KLRG1: variants seen among roughly 807,000 people sequenced by gnomAD.
KLRG1 encodes the protein killer cell lectin-like receptor subfamily G member 1.
KLRG1 carries 16 observed loss-of-function variants against 21.8 expected under a neutral mutation model. That is an observed-to-expected ratio of 0.73 (90% CI 0.50 to 1.11). The LOEUF (loss-of-function observed/expected upper bound fraction) is 1.11. Among genes scored for constraint, KLRG1 ranks in the 50% most tolerant of loss-of-function variants. KLRG1 has a pLI of 0.00. For missense variants in KLRG1, 173 were observed against 218.3 expected (o/e 0.79, Z 1.31); for synonymous variants, 69 against 75.9 (o/e 0.91, Z 0.47).
At chr12:9,072,438 C>A in the KLRG1 span, 8 of 1,613,334 alleles carry the variant, frequency 5.0e-6, no homozygotes, top group African/African-American at 1.1e-4. Flanking sequence ...ACTCCTAAAG[C>A]AAAGGGGAAC....
chr12:8,959,451 C>T (rs1417785946), intron 1 of KLRG1, among the ~76,000 whole-genome samples: 1 of 152,188 alleles, frequency 6.6e-6, no homozygotes, highest in African/African-American at 2.4e-5. Flanking sequence ...GCAATTTCAT[C>T]CCCAGCCAAT....
chr12:9,137,867 G>T, the KLRG1 span, among the ~76,000 whole-genome samples: 2 of 151,966 alleles, frequency 1.3e-5, no homozygotes, highest in African/African-American at 4.8e-5. Context: ...AGTTGATTTT[G>T]TAGCTTGCAA....
At chr12:9,132,917 G>A in the KLRG1 span, among the ~76,000 whole-genome samples, 1 of 152,194 alleles carries the variant, frequency 6.6e-6, no homozygotes, top group Non-Finnish European at 1.5e-5. Context: ...TTTCAGAGAT[G>A]TGAAAAGATG....
the KLRG1 span, among the ~76,000 whole-genome samples, chr12:9,215,034 C>G: frequency 6.6e-6 from 1 of 151,896 alleles, no homozygotes; most frequent in African/African-American, 2.4e-5. Flanking sequence ...ATTTTTTTCC[C>G]TCTCATTCCA....
chr12:9,041,107 G>A, the KLRG1 span, among the ~76,000 whole-genome samples: 5 of 152,190 alleles, frequency 3.3e-5, no homozygotes, highest in Admixed American at 1.3e-4. Context: ...AGGCTGAGGC[G>A]GGTGGATCAC....
chr12:8,957,366 C>G (rs983314154), intron 1 of KLRG1, among the ~76,000 whole-genome samples: 1 of 152,202 alleles, frequency 6.6e-6, no homozygotes, highest in Non-Finnish European at 1.5e-5. Flanking sequence ...GAAGCACTTA[C>G]CGTGGCCCAT....
the KLRG1 span, among the ~76,000 whole-genome samples, chr12:9,174,879 A>G: frequency 1.2e-4 from 19 of 152,356 alleles, no homozygotes; most frequent in Admixed American, 2.6e-4. Flanking sequence ...GACAATGGCC[A>G]TACTGCCCAA....
chr12:9,093,377 A>G, the KLRG1 span: 1 of 849,956 alleles, frequency 1.2e-6, no homozygotes, highest in Non-Finnish European at 2.0e-6. Flanking sequence ...TAAACATATA[A>G]AACAATAAAA....
chr12:8,950,620 C>T (rs1213066215), intron 1 of KLRG1, among the ~76,000 whole-genome samples: 2 of 152,062 alleles, frequency 1.3e-5, no homozygotes, highest in Non-Finnish European at 2.9e-5. Context: ...CTATGTGTGC[C>T]TCTCTGGCTC....
At chr12:9,109,875 T>G in the KLRG1 span, 2 of 1,600,010 alleles carry the variant, frequency 1.2e-6, no homozygotes, top group Non-Finnish European at 1.7e-6. Flanking sequence ...ACCAAATTCC[T>G]CCACGGTGAA....
At chr12:9,118,147 A>T in the KLRG1 span, among the ~76,000 whole-genome samples, 1 of 152,216 alleles carries the variant, frequency 6.6e-6, no homozygotes, top group Non-Finnish European at 1.5e-5. Context: ...TTTGGGAAAC[A>T]TCTGTTTCAT....
chr12:9,079,566 A>G, the KLRG1 span: 1 of 1,400,438 alleles, frequency 7.1e-7, no homozygotes, highest in South Asian at 1.3e-5. Flanking sequence ...TAATATTCAT[A>G]AGTAACTGAA....
rs868173513 is a variant in KLRG1, at chr12:8,956,648, C to T, written c.-156+6412C>T. ...TTTTAGTAGAGATGGGGTTTCGCCA[C>T]GTTGGCCCGGCTGGTCTCGAACTCC... On this transcript the variant is annotated intron_variant, in intron 1 of 4. Coordinates refer to the KLRG1 transcript ENST00000539240. Among the ~76,000 whole-genome samples, 8 of 152,164 alleles carry T rather than the reference C, an allele frequency of 5.3e-5. No individual in the cohort carries two copies. In the South Asian group the frequency reaches 1.5e-3, roughly 28 times the overall value.
chr12:9,157,345 A>G, the KLRG1 span: 1 of 1,612,944 alleles, frequency 6.2e-7, no homozygotes, highest in Admixed American at 1.7e-5. Context: ...GGCATTGCGA[A>G]CAATAGGGTT....
chr12:9,148,204 T>A, the KLRG1 span, among the ~76,000 whole-genome samples: 1 of 152,220 alleles, frequency 6.6e-6, no homozygotes, highest in Non-Finnish European at 1.5e-5. Context: ...AATTAACATG[T>A]ACATTACTTC....
At chr12:9,030,975 C>G in the KLRG1 span, among the ~76,000 whole-genome samples, 3 of 152,326 alleles carry the variant, frequency 2.0e-5, no homozygotes, top group South Asian at 2.1e-4. Context: ...ATAGCATCTC[C>G]CGGCAGGGGG....
the KLRG1 span, among the ~76,000 whole-genome samples, chr12:9,199,666 G>T: frequency 3.3e-5 from 5 of 152,096 alleles, no homozygotes; most frequent in African/African-American, 1.2e-4. Context: ...AAAAAAGGAG[G>T]TTATAGACTT....
the KLRG1 span, chr12:9,164,264 C>G: frequency 6.2e-7 from 1 of 1,612,340 alleles, no homozygotes; most frequent in South Asian, 1.1e-5. Context: ...ACTGACCTAT[C>G]ACCCCATGTG....
At chr12:9,163,574 T>C in the KLRG1 span, 2 of 1,383,816 alleles carry the variant, frequency 1.4e-6, no homozygotes, top group East Asian at 2.3e-5. Flanking sequence ...GGATGTATTG[T>C]GTGAGCATGA....
Sources: allele counts gnomAD v4.1 joint callset (sites outside exome capture counted in the v4.1 genomes callset), GRCh38; gene constraint gnomAD v4.1.1; transcripts MANE v1.5; gene names NCBI Gene and HGNC (gene_info 2026-07-23, HGNC 2026-07-21).